NTRK3: variants seen among roughly 807,000 people sequenced by gnomAD.
NTRK3 encodes the protein neurotrophic receptor tyrosine kinase 3, also known as NT-3 growth factor receptor.
Under a neutral mutation model 91.7 loss-of-function variants are expected in NTRK3, and 24 were observed. That is an observed-to-expected ratio of 0.26 (90% CI 0.19 to 0.37). NTRK3 has a LOEUF of 0.37. NTRK3 is among the 10% of genes least tolerant of loss of function. The probability of loss-of-function intolerance (pLI) is 1.00; values close to 1 mark genes in which losing one functional copy is unlikely to be tolerated. For synonymous variants in NTRK3, 483 were observed against 404.0 expected, an observed-to-expected ratio of 1.20 and a Z score of -2.34; for missense variants, 880 against 1,068.9, an observed-to-expected ratio of 0.82 and a Z score of 2.46.
Position 87,912,472 on chromosome 15 carries a change from T to C in NTRK3, c.2133+16719A>G, listed in dbSNP as rs573311167. 2.0e-5 allele frequency among the ~76,000 whole-genome samples: 3 copies of C among 152,330 alleles called. No homozygotes were observed. The South Asian group carries it at 6.2e-4, about 32-fold the overall frequency. On this transcript the variant is annotated intron_variant, in intron 17 of 18. Coordinates refer to ENST00000394480, the Ensembl canonical transcript of NTRK3. ...TAATCTCTCTGAGCTTTAATTTACT[T>C]GTCTGTAAATAGGGAGAATCATGCC... is the stretch of plus-strand genomic sequence containing the variant.
chr15:88,242,334 T>G (rs2052437725), intron 3 of NTRK3, among the ~76,000 whole-genome samples: 1 of 152,162 alleles, frequency 6.6e-6, no homozygotes, highest in African/African-American at 2.4e-5. Flanking sequence ...TCTTGACAAC[T>G]CACTCTACTG....
intron 13 of NTRK3, among the ~76,000 whole-genome samples, chr15:88,050,556 T>C (rs1384112747): frequency 1.3e-5 from 2 of 151,516 alleles, no homozygotes; most frequent in Non-Finnish European, 1.5e-5. Flanking sequence ...AGCTGAGTAG[T>C]ATACACACAC....
chr15:87,900,788 T>G (rs76435069), intron 17 of NTRK3, among the ~76,000 whole-genome samples: 1 of 150,876 alleles, frequency 6.6e-6, no homozygotes, highest in Non-Finnish European at 1.5e-5. Context: ...GGCCCTGCCT[T>G]AGTTTGCATC....
At chr15:88,107,088 A>G (rs757298545) in intron 13 of NTRK3, among the ~76,000 whole-genome samples, 4 of 152,176 alleles carry the variant, frequency 2.6e-5, no homozygotes, top group Non-Finnish European at 4.4e-5. Context: ...TAAGATTACC[A>G]CTAATTTTTT....
intron 3 of NTRK3, among the ~76,000 whole-genome samples, chr15:88,211,282 G>A (rs1222449177): frequency 6.6e-6 from 1 of 152,148 alleles, no homozygotes; most frequent in African/African-American, 2.4e-5. Flanking sequence ...TTTGTATCTG[G>A]CTTATTTCAC....
intron 13 of NTRK3, among the ~76,000 whole-genome samples, chr15:88,057,729 T>C (rs560370713): frequency 1.9e-4 from 29 of 152,312 alleles, no homozygotes; most frequent in Middle Eastern, 3.4e-3. Flanking sequence ...GGGAAAACCC[T>C]GACTCCCACT....
At chr15:87,865,990 A>G (rs896420980) in exon 19 of NTRK3, 2 of 231,512 alleles carry the variant, frequency 8.6e-6, no homozygotes, top group Non-Finnish European at 8.5e-6. Flanking sequence ...CTCAGCACCC[A>G]GCAAGACTGT....
chr15:87,987,284 T>C (rs1488208482), intron 14 of NTRK3, among the ~76,000 whole-genome samples: 1 of 152,196 alleles, frequency 6.6e-6, no homozygotes, highest in African/African-American at 2.4e-5. Context: ...ATGGATGAAC[T>C]TCCTACCCCA....
At chr15:88,110,311 T>C (rs2051195706) in intron 13 of NTRK3, among the ~76,000 whole-genome samples, 1 of 152,186 alleles carries the variant, frequency 6.6e-6, no homozygotes, top group Non-Finnish European at 1.5e-5. Context: ...AGCGTCTTCC[T>C]GTCTGCAGGC....
chr15:88,111,478 T>A (rs911714952), intron 13 of NTRK3, among the ~76,000 whole-genome samples: 4 of 152,180 alleles, frequency 2.6e-5, no homozygotes, highest in African/African-American at 9.7e-5. Flanking sequence ...AGTATGAAGC[T>A]GTTAGCTTAG....
intron 17 of NTRK3, among the ~76,000 whole-genome samples, chr15:87,882,039 G>C (rs1002219387): frequency 6.6e-6 from 1 of 151,982 alleles, no homozygotes; most frequent in Non-Finnish European, 1.5e-5. Context: ...GGGATTATAG[G>C]CATGAAACAC....
intron 3 of NTRK3, among the ~76,000 whole-genome samples, chr15:88,211,204 C>T (rs547641589): frequency 3.1e-4 from 47 of 152,282 alleles, no homozygotes; most frequent in African/African-American, 1.1e-3. Flanking sequence ...TTCCCCAGTC[C>T]CTGGCAACTA....
intron 3 of NTRK3, among the ~76,000 whole-genome samples, chr15:88,188,278 A>G (rs568501815): frequency 5.9e-4 from 90 of 152,336 alleles, no homozygotes; most frequent in Admixed American, 2.0e-3. Flanking sequence ...TACTTTAAAT[A>G]AATTACCTCC....
At chr15:87,929,925 A>G (rs1293709417) in intron 16 of NTRK3, among the ~76,000 whole-genome samples, 2 of 152,192 alleles carry the variant, frequency 1.3e-5, no homozygotes, top group Non-Finnish European at 2.9e-5. Flanking sequence ...GGAAATCAGG[A>G]AGTAGGATCT....
intron 14 of NTRK3, among the ~76,000 whole-genome samples, chr15:87,957,923 G>C (rs1193496030): frequency 6.6e-6 from 1 of 152,170 alleles, no homozygotes; most frequent in Non-Finnish European, 1.5e-5. Context: ...GAGTGTAGTG[G>C]CTGAATTCCT....
At chr15:88,251,736 C>T (rs1328525835) in intron 3 of NTRK3, among the ~76,000 whole-genome samples, 2 of 152,260 alleles carry the variant, frequency 1.3e-5, no homozygotes, top group East Asian at 3.8e-4. Flanking sequence ...AAGGCAAGGA[C>T]AGGCCCTCCC....
At chr15:88,094,237 C>A (rs184014744) in intron 13 of NTRK3, among the ~76,000 whole-genome samples, 1 of 151,824 alleles carries the variant, frequency 6.6e-6, no homozygotes, top group African/African-American at 2.4e-5. Flanking sequence ...GAGGCTGAGG[C>A]GGGTGGATCA....
At chr15:88,226,945 C>T (rs2050726616) in intron 3 of NTRK3, among the ~76,000 whole-genome samples, 2 of 151,988 alleles carry the variant, frequency 1.3e-5, no homozygotes, top group South Asian at 4.1e-4. Flanking sequence ...CTGACCTGAG[C>T]TCTCATCTTC....
chr15:88,005,556 C>A lies in NTRK3; in HGVS notation c.1585+27301G>T, dbSNP rs970982578. ...TCTCCCACTGCACTCTGTGTGATAACTGCCTTGACTTGTCTCAACTTTAGA... is the reference window on the plus strand; with the variant it reads ...TCTCCCACTGCACTCTGTGTGATAAATGCCTTGACTTGTCTCAACTTTAGA... On this transcript the variant is annotated intron_variant, in intron 14 of 18. Transcript: ENST00000394480. 2.0e-5 allele frequency among the ~76,000 whole-genome samples: 3 copies of A among 152,178 alleles called. No homozygotes were observed. The East Asian group carries it at 5.8e-4, about 29-fold the overall frequency.
Sources: gnomAD v4.1 joint callset for allele counts (sites outside exome capture counted in the v4.1 genomes callset) on GRCh38, gnomAD v4.1.1 for gene constraint, MANE v1.5 for transcripts, NCBI Gene and HGNC (gene_info 2026-07-23, HGNC 2026-07-21) for gene names.